KLF12: variants seen among roughly 807,000 people sequenced by gnomAD.
KLF12 encodes the protein KLF transcription factor 12, also known as Krueppel-like factor 12.
KLF12 carries 9 observed loss-of-function variants against 37.8 expected under a neutral mutation model. That is an observed-to-expected ratio of 0.24 (90% CI 0.14 to 0.42). The LOEUF (loss-of-function observed/expected upper bound fraction) is 0.42. Ranked by LOEUF, KLF12 falls within the 10% of genes least tolerant of loss-of-function variation. KLF12 has a pLI of 1.00. For synonymous variants in KLF12, 208 were observed against 202.1 expected (o/e 1.03, Z -0.25); for missense variants, 411 against 516.0 (o/e 0.80, Z 1.97).
chr13:74,305,299 C>G, the KLF12 span, among the ~76,000 whole-genome samples: 1 of 151,998 alleles, frequency 6.6e-6, no homozygotes, highest in Non-Finnish European at 1.5e-5. Context: ...TTTTTAAATG[C>G]TCTACATTTT....
intron 2 of KLF12, among the ~76,000 whole-genome samples, chr13:73,947,971 A>C (rs1379419152): frequency 6.6e-6 from 1 of 152,212 alleles, no homozygotes; most frequent in African/African-American, 2.4e-5. Context: ...AACAGTTCTA[A>C]GCTTTTAAAC....
At chr13:74,025,501 C>T (rs1385590420) in intron 1 of KLF12, among the ~76,000 whole-genome samples, 1 of 151,706 alleles carries the variant, frequency 6.6e-6, no homozygotes, top group Non-Finnish European at 1.5e-5. Context: ...CTTAGTTTCG[C>T]TACAAGTGGG....
chr13:74,248,722 C>T, the KLF12 span, among the ~76,000 whole-genome samples: 1 of 152,182 alleles, frequency 6.6e-6, no homozygotes, highest in East Asian at 1.9e-4. Flanking sequence ...GTGTTTCTCT[C>T]CAGCTCTGAG....
At chr13:73,903,304 TA>T (rs1448978062) in intron 3 of KLF12, among the ~76,000 whole-genome samples, 1 of 152,088 alleles carries the variant, frequency 6.6e-6, no homozygotes, top group East Asian at 1.9e-4. Context: ...CAATAAACAC[TA>T]AAATTAACCA....
chr13:73,767,763 C>G (rs1880013371), intron 5 of KLF12, among the ~76,000 whole-genome samples: 1 of 152,134 alleles, frequency 6.6e-6, no homozygotes, highest in Non-Finnish European at 1.5e-5. Context: ...TGACTTAATA[C>G]AAAAACGGCT....
Position 73,745,652 on chromosome 13 carries a change from TG to T in KLF12, c.869+19285del, listed in dbSNP as rs565524813. On this transcript the variant is annotated intron_variant, in intron 6 of 7. Transcript: ENST00000377669. ...AAGAAAATGCTCCTTTGTTAACACTTGTCATTGTTCTGCACGTATGTAATTT... is the reference window on the plus strand; with the variant it reads ...AAGAAAATGCTCCTTTGTTAACACTTTCATTGTTCTGCACGTATGTAATTT... Among the ~76,000 whole-genome samples the T allele has an allele frequency of 2.0e-5, 3 of 152,320 alleles. No homozygotes were observed. The South Asian group carries it at 6.2e-4, about 32-fold the overall frequency.
At chr13:74,134,495 G>C (rs966988401), upstream of KLF12, among the ~76,000 whole-genome samples, 2 of 151,558 alleles carry the variant, frequency 1.3e-5, no homozygotes, top group African/African-American at 4.8e-5. Context: ...CTCCCCGCCC[G>C]GACCGCCGGG....
chr13:73,818,332 C>G (rs947940991), intron 4 of KLF12, among the ~76,000 whole-genome samples: 2 of 152,196 alleles, frequency 1.3e-5, no homozygotes, highest in African/African-American at 4.8e-5. Context: ...AGCTCTTCTC[C>G]TCAGCTGAGA....
chr13:73,770,525 CTTTT>C (rs35793245), intron 5 of KLF12, among the ~76,000 whole-genome samples: 1 of 144,348 alleles, frequency 6.9e-6, no homozygotes, highest in Non-Finnish European at 1.5e-5. Context: ...AATATGTGAA[CTTTT>C]TTTTTTTTTT....
the KLF12 span, among the ~76,000 whole-genome samples, chr13:74,203,543 G>C: frequency 6.6e-6 from 1 of 152,006 alleles, no homozygotes; most frequent in African/African-American, 2.4e-5. Context: ...GGCAAAAAAA[G>C]GTAATGCTTA....
intron 3 of KLF12, among the ~76,000 whole-genome samples, chr13:73,877,092 T>C (rs534240123): frequency 6.6e-6 from 1 of 152,318 alleles, no homozygotes; most frequent in East Asian, 1.9e-4. Context: ...TTCAATTTCT[T>C]TGGGAAATTA....
chr13:74,086,401 G>A (rs1875299564), intron 1 of KLF12, among the ~76,000 whole-genome samples: 1 of 151,574 alleles, frequency 6.6e-6, no homozygotes. Context: ...AGTTTGCTGA[G>A]AATGATGATT....
the KLF12 span, among the ~76,000 whole-genome samples, chr13:74,221,842 T>C: frequency 6.6e-6 from 1 of 152,196 alleles, no homozygotes; most frequent in African/African-American, 2.4e-5. Context: ...AAGTCTACTC[T>C]GTGTGAGGAC....
At position 73,875,847 on chromosome 13, in the gene KLF12, T is replaced by C. The variant is rs374502434; in HGVS notation, c.124-29474A>G. Among the ~76,000 whole-genome samples the C allele has an allele frequency of 4.6e-5, 7 of 152,338 alleles. No individual in the cohort carries two copies. In the East Asian group the frequency reaches 7.7e-4, roughly 17 times the overall value. Reference sequence around the variant, plus strand: ...AAACTATCTTCACCCAATTGTTTTCTGTGCTAAAATCTGAATGATCTGAAA... The same window carrying C: ...AAACTATCTTCACCCAATTGTTTTCCGTGCTAAAATCTGAATGATCTGAAA... On this transcript the variant is annotated intron_variant, in intron 3 of 7. Coordinates refer to ENST00000377669, the MANE Select transcript of KLF12 (RefSeq NM_007249.5).
chr13:73,912,022 A>T (rs758356841), intron 3 of KLF12, among the ~76,000 whole-genome samples: 2 of 152,142 alleles, frequency 1.3e-5, no homozygotes, highest in Non-Finnish European at 2.9e-5. Context: ...TTAACTACTG[A>T]CTTCTCCTTC....
At chr13:73,748,825 T>C (rs1878546489) in intron 6 of KLF12, among the ~76,000 whole-genome samples, 1 of 152,226 alleles carries the variant, frequency 6.6e-6, no homozygotes, top group South Asian at 2.1e-4. Flanking sequence ...CAACAGCAGG[T>C]AGAATTTGAA....
intron 1 of KLF12, among the ~76,000 whole-genome samples, chr13:74,037,387 TAC>T (rs1261268656): frequency 6.6e-6 from 1 of 151,978 alleles, no homozygotes; most frequent in Non-Finnish European, 1.5e-5. Flanking sequence ...TCCCTTACAA[TAC>T]ACACTCACCC....
chr13:73,876,143 C>T (rs1479141609), intron 3 of KLF12, among the ~76,000 whole-genome samples: 1 of 142,662 alleles, frequency 7.0e-6, no homozygotes, highest in Admixed American at 7.4e-5. Context: ...GTGCTATACT[C>T]AGCTAAAATA....
At chr13:73,764,902 A>G in intron 6 of KLF12, 36 bp downstream of exon 6, 1 of 1,214,618 alleles carries the variant, frequency 8.2e-7, no homozygotes, top group Non-Finnish European at 1.2e-6. Flanking sequence ...GTTTCCCGTA[A>G]GACCTACAAA....
Sources: gnomAD v4.1 joint callset for allele counts (sites outside exome capture counted in the v4.1 genomes callset) on GRCh38, gnomAD v4.1.1 for gene constraint, MANE v1.5 for transcripts, NCBI Gene and HGNC (gene_info 2026-07-23, HGNC 2026-07-21) for gene names.